Variants in MSH6 observed in about 807,000 individuals in gnomAD.
MSH6 encodes the protein DNA mismatch repair protein Msh6.
MSH6 carries 85 observed loss-of-function variants against 119.1 expected under a neutral mutation model. That is an observed-to-expected ratio of 0.71 (90% confidence interval 0.60 to 0.85). The LOEUF (loss-of-function observed/expected upper bound fraction) is 0.85, where lower values mean the gene tolerates loss of function less well. Among genes scored for constraint, MSH6 ranks in the 40% least tolerant of loss-of-function variants. MSH6 has a pLI of 0.00. For synonymous variants in MSH6, 830 were observed against 586.9 expected, an observed-to-expected ratio of 1.41 and a Z score of -5.99; for missense variants, 2,163 against 1,655.3, an observed-to-expected ratio of 1.31 and a Z score of -5.32.
chr2:47,806,455 T>G lies in MSH6; in HGVS notation c.3805T>G (p.Cys1269Gly). The G allele has an allele frequency of 6.2e-7, 1 of 1,614,096 alleles. No homozygotes were observed. ...NVAVRLGHMA[C>G]MVENECEDPS... ...GCTAATATTTTTCTTTCTTAAGGCA[T>G]GCATGGTAGAAAATGAATGTGAAGA... Residue 1269 changes from cysteine (C) to glycine (G), a missense_variant, in exon 9 of 10, where the codon TGC (cysteine) becomes GGC (glycine). Cys to Gly is a radical substitution (Grantham distance 159). Transcript: ENST00000234420.
chr2:47,793,673 A>G (rs1347195171), intron 2 of MSH6, among the ~76,000 whole-genome samples: 3 of 151,892 alleles, frequency 2.0e-5, no homozygotes, highest in African/African-American at 7.2e-5. Flanking sequence ...CTCTCATTGA[A>G]CCAGATGATA....
At chr2:47,789,749 T>C (rs559215193) in intron 1 of MSH6, among the ~76,000 whole-genome samples, 1 of 152,360 alleles carries the variant, frequency 6.6e-6, no homozygotes, top group African/African-American at 2.4e-5. Flanking sequence ...ACTTTATCTC[T>C]AGATTACGTA....
chr2:47,783,960 C>A, intron 1 of MSH6: 1 of 1,038,248 alleles, frequency 9.6e-7, no homozygotes, highest in Non-Finnish European at 1.2e-6. Flanking sequence ...GGGGAGAGTC[C>A]GGTGGTGTGG....
downstream of MSH6, chr2:47,807,974 G>GC (rs769718050): frequency 1.5e-5 from 11 of 728,052 alleles, no homozygotes; most frequent in Non-Finnish European, 2.5e-5. Context: ...GGTAGCTTGA[G>GC]CTTCATAGTG....
chr2:47,806,797 T>G lies in MSH6; in HGVS notation c.4020T>G (p.Ser1340Arg), dbSNP rs1558395612. Residue 1340 changes from serine (S) to arginine (R), a missense_variant, in exon 10 of 10, where the codon AGT (serine) becomes AGG (arginine). Physicochemically the swap from Ser to Arg is moderately radical, Grantham distance 110 (BLOSUM62 -1). Transcript: ENST00000234420. Reference protein sequence around the residue: ...LRLFREVCLASERSTVDAEAV... With the variant: ...LRLFREVCLARERSTVDAEAV... ...TTTTAAGGGAAGTTTGCCTGGCTAG[T>G]GAAAGGTCAACTGTAGATGCTGAAG... The G allele has an allele frequency of 6.2e-7, 1 of 1,608,918 alleles. No homozygotes were observed. The highest frequency in any genetic ancestry group is 8.5e-7 in the Non-Finnish European group (1 of 1,178,212).
Position 47,783,901 on chromosome 2 carries a change from G to C in MSH6, c.260+408G>C, listed in dbSNP as rs62139911. The C allele has an allele frequency of 2.9e-3, 2,907 of 1,005,140 alleles. 7 individuals are homozygous for C. Among genetic ancestry groups the C allele is most frequent in the Middle Eastern group, 0.013 (27 of 2,090 alleles). 62.3% of individuals were successfully genotyped at this position (1,005,140 alleles called of 1,614,324 possible). A position where few individuals can be genotyped will look rare whatever the true frequency, so the allele number is the denominator to read the frequency against. ...GGCGCCCGGCCCACTTGGTGGGCGG[G>C]GCGGGGGGCGGGGTGGCGGGAAGGA... On this transcript the variant is annotated intron_variant, in intron 1 of 9. Coordinates refer to ENST00000234420, the MANE Select transcript of MSH6 (RefSeq NM_000179.3).
chr2:47,804,042 T>G (rs1452344118), intron 5 of MSH6, among the ~76,000 whole-genome samples: 1 of 152,214 alleles, frequency 6.6e-6, no homozygotes, highest in Non-Finnish European at 1.5e-5. Flanking sequence ...TTAGACTCAT[T>G]TGCAGAAATG....
At chr2:47,807,681 C>A, downstream of MSH6, 1 of 224,420 alleles carries the variant, frequency 4.5e-6, no homozygotes, top group East Asian at 6.6e-5. Flanking sequence ...AAAAAAAAAT[C>A]AAAAGGAACG....
At chr2:47,793,366 G>A (rs1297009962) in intron 2 of MSH6, among the ~76,000 whole-genome samples, 28 of 138,200 alleles carry the variant, frequency 2.0e-4, no homozygotes, top group African/African-American at 5.9e-4. Context: ...ACGGTGGCTC[G>A]CGCCTGTAAT....
At chr2:47,797,647 G>C in intron 3 of MSH6, among the ~76,000 whole-genome samples, 1 of 152,206 alleles carries the variant, frequency 6.6e-6, no homozygotes. Context: ...ACTTAATCTT[G>C]TAGTTAGAGG....
At chr2:47,798,541 G>A (rs1669232127) in intron 3 of MSH6, 70 bp from the exon 4 acceptor site, 1 of 1,536,004 alleles carries the variant, frequency 6.5e-7, no homozygotes, top group Non-Finnish European at 8.9e-7. Flanking sequence ...AAAATCATAA[G>A]TTGAACTGTC....
chr2:47,806,139 G>GTT, intron 7 of MSH6, 65 bp from the exon 8 acceptor site: 1 of 1,226,948 alleles, frequency 8.2e-7, no homozygotes, highest in African/African-American at 1.6e-5. Context: ...TAGCATTTTT[G>GTT]TTTTAATTCC....
In MSH6 at chr2:47,805,651, C is replaced by G. The variant is rs1298129961; in HGVS notation, c.3590C>G (p.Thr1197Ser). 8 of 1,611,688 alleles carry G rather than the reference C, an allele frequency of 5.0e-6. No homozygotes were observed. The highest frequency in any genetic ancestry group is 1.7e-5 in the Admixed American group (1 of 59,912). The change falls in exon 7 of 10, where the codon ACT becomes AGT. Residue 1197 changes from threonine to serine, a missense_variant. Thr to Ser is a moderately conservative substitution (Grantham distance 58). Coordinates refer to ENST00000234420, the MANE Select transcript of MSH6 (RefSeq NM_000179.3). Reference sequence around the variant, plus strand: ...ACATTTTTTGTTGAATTAAGTGAAACTGCCAGCATACTCATGCATGCAACA... The same window carrying G: ...ACATTTTTTGTTGAATTAAGTGAAAGTGCCAGCATACTCATGCATGCAACA... ...ESTFFVELSE[T>S]ASILMHATAH...
downstream of MSH6, chr2:47,807,023 T>C (rs1055529719): frequency 2.9e-5 from 19 of 650,976 alleles, no homozygotes; most frequent in Non-Finnish European, 4.6e-5. Context: ...ATAATGGTTA[T>C]TGAATACTCC....
chr2:47,805,521 A>G (rs1669941339), intron 6 of MSH6, 97 bp from the exon 7 acceptor site: 27 of 860,688 alleles, frequency 3.1e-5, no homozygotes, highest in Admixed American at 2.4e-4. Flanking sequence ...TTTTATACCA[A>G]TATGTGTAGC....
At chr2:47,802,936 C>T (rs1041569820) in intron 4 of MSH6, among the ~76,000 whole-genome samples, 4 of 152,044 alleles carry the variant, frequency 2.6e-5, no homozygotes, top group Admixed American at 1.3e-4. Flanking sequence ...TTTTTTGAGA[C>T]AGAGTCTCTC....
rs146359682 is a variant in MSH6 at position 47,800,933 on chromosome 2, A to C, written c.2950A>C (p.Asn984His). The change falls in exon 4 of 10, where the codon AAT becomes CAT. Residue 984 changes from asparagine (N) to histidine (H), a missense_variant. Transcript: ENST00000234420. ...CCGTTACCAGCTGGAAATTCCTGAG[A>C]ATTTCACCACTCGCAATTTGCCAGA... is the stretch of plus-strand genomic sequence containing the variant. ...RNRYQLEIPENFTTRNLPEEY... is the reference protein window; with the variant it reads ...RNRYQLEIPEHFTTRNLPEEY... 14 of 1,577,920 alleles carry C rather than the reference A, an allele frequency of 8.9e-6. No homozygotes were observed. The highest frequency in any genetic ancestry group is 3.4e-4 in the Middle Eastern group (2 of 5,852).
Position 47,790,907 on chromosome 2 carries a change from G to C in MSH6, c.261-20G>C, listed in dbSNP as rs1382008214. On this transcript the variant is annotated intron_variant, in intron 1 of 9. Transcript: ENST00000234420. ...CTTGACCAAATATTAACTAAGTTATGTATTTCCTTTTGGCAACAGTTGTGA... is the reference window on the plus strand; with the variant it reads ...CTTGACCAAATATTAACTAAGTTATCTATTTCCTTTTGGCAACAGTTGTGA... The C allele has an allele frequency of 6.2e-7, 1 of 1,611,906 alleles. No individual in the cohort carries two copies. The highest frequency in any genetic ancestry group is 8.5e-7 in the Non-Finnish European group (1 of 1,177,930).
At position 47,805,027 on chromosome 2, in the gene MSH6, G is replaced by C. The variant is rs1060502909; in HGVS notation, c.3556G>C (p.Gly1186Arg). ...TGGTGCCTCAGACAGAATAATGTCAGGTGAGTTTTTTGTTTCCCACTTAAG... is the reference window on the plus strand; with the variant it reads ...TGGTGCCTCAGACAGAATAATGTCACGTGAGTTTTTTGTTTCCCACTTAAG... ...RLGASDRIMS[G>R]ESTFFVELSE... is the part of the protein sequence containing the mutation. Residue 1186 changes from glycine (G) to arginine (R), a missense_variant and splice_region_variant, in exon 6 of 10, where the codon GGT becomes CGT. Transcript: ENST00000234420. 5 of 1,607,238 alleles carry C rather than the reference G, an allele frequency of 3.1e-6. No individual in the cohort carries two copies. Among genetic ancestry groups the C allele is most frequent in the Non-Finnish European group, 4.3e-6 (5 of 1,173,924 alleles).
Sources: gnomAD v4.1 joint callset for allele counts (sites outside exome capture counted in the v4.1 genomes callset) on GRCh38, gnomAD v4.1.1 for gene constraint, MANE v1.5 for transcripts, NCBI Gene and HGNC (gene_info 2026-07-23, HGNC 2026-07-21) for gene names.